OLFM3: variants seen among roughly 807,000 people sequenced by gnomAD.
OLFM3 encodes noelin-3.
Under a neutral mutation model 48.6 loss-of-function variants are expected in OLFM3, and 20 were observed. The observed-to-expected ratio is 0.41, with a 90% CI of 0.29 to 0.60. OLFM3 has a LOEUF of 0.60. Among genes scored for constraint, OLFM3 ranks in the 20% least tolerant of loss-of-function variants. OLFM3 has a pLI of 0.28. For synonymous variants in OLFM3, 222 were observed against 198.1 expected (o/e 1.12, Z -1.01); for missense variants, 437 against 544.3 (o/e 0.80, Z 1.96).
intron 1 of OLFM3, among the ~76,000 whole-genome samples, chr1:101,985,008 C>T (rs80009137): frequency 6.6e-6 from 1 of 152,192 alleles, no homozygotes; most frequent in Admixed American, 6.5e-5. Context: ...ATCAAACTGT[C>T]AGCAGGGCTG....
At chr1:101,837,945 T>C (rs1655514625) in intron 1 of OLFM3, 2 of 152,216 alleles carry the variant, frequency 1.3e-5, no homozygotes, top group Admixed American at 6.5e-5. Flanking sequence ...ATTTAATGTA[T>C]ATTTTCTAGA....
At position 101,957,812 on chromosome 1, in the gene OLFM3, A is replaced by G. The variant is rs536470606; in HGVS notation, c.69+38936T>C. 1.8e-3 allele frequency among the ~76,000 whole-genome samples: 276 copies of G among 152,160 alleles called. 1 individual carries two copies. Among genetic ancestry groups the G allele is most frequent in the African/African-American group, 6.2e-3 (259 of 41,554 alleles). On this transcript the variant is annotated intron_variant, in intron 1 of 5. Coordinates refer to ENST00000370103, the MANE Select transcript of OLFM3 (RefSeq NM_058170.4). ...AATTCCAAGCATCAGATATCTAGCA[A>G]TAATAAGGAAGTGAGAATGGAAATT...
At chr1:101,858,892 T>C (rs1656535064) in intron 1 of OLFM3, among the ~76,000 whole-genome samples, 1 of 152,076 alleles carries the variant, frequency 6.6e-6, no homozygotes, top group African/African-American at 2.4e-5. Flanking sequence ...TGGAACAGAC[T>C]AATACAGTCA....
chr1:101,840,204 AT>A (rs1464999380), intron 1 of OLFM3, among the ~76,000 whole-genome samples: 1 of 152,238 alleles, frequency 6.6e-6, no homozygotes, highest in South Asian at 2.1e-4. Flanking sequence ...TTAGGTGTCA[AT>A]AAAACATGCA....
Position 101,885,336 on chromosome 1 carries a change from A to T in OLFM3, c.70-48311T>A, listed in dbSNP as rs147179248. ...ACAGAAAGTATCTGATTATTCAAGAATTCCTTTGCTTTTTATGACATGGTC... is the reference window on the plus strand; with the variant it reads ...ACAGAAAGTATCTGATTATTCAAGATTTCCTTTGCTTTTTATGACATGGTC... On this transcript the variant is annotated intron_variant, in intron 1 of 5. Coordinates refer to ENST00000370103, the MANE Select transcript of OLFM3 (RefSeq NM_058170.4). Among the ~76,000 whole-genome samples the T allele has an allele frequency of 2.8e-3, 430 of 152,186 alleles. 4 individuals are homozygous for T. The highest frequency in any genetic ancestry group is 9.9e-3 in the African/African-American group (413 of 41,558).
intron 1 of OLFM3, among the ~76,000 whole-genome samples, chr1:101,852,335 G>C (rs1216409278): frequency 6.6e-6 from 1 of 152,040 alleles, no homozygotes; most frequent in Non-Finnish European, 1.5e-5. Flanking sequence ...GTTACCCCTA[G>C]ATTGCTAATC....
intron 1 of OLFM3, among the ~76,000 whole-genome samples, chr1:101,926,241 T>A (rs917753193): frequency 6.6e-6 from 1 of 152,206 alleles, no homozygotes; most frequent in Non-Finnish European, 1.5e-5. Context: ...ATATAGCTTA[T>A]CTTCTTTCTT....
At chr1:101,922,053 C>T (rs1373837689) in intron 1 of OLFM3, among the ~76,000 whole-genome samples, 1 of 151,066 alleles carries the variant, frequency 6.6e-6, no homozygotes, top group Non-Finnish European at 1.5e-5. Flanking sequence ...AGCGAGACTC[C>T]ATCTCAAAAA....
chr1:101,890,583 TTAAA>T (rs1451253607), intron 1 of OLFM3, among the ~76,000 whole-genome samples: 1 of 151,986 alleles, frequency 6.6e-6, no homozygotes, highest in Non-Finnish European at 1.5e-5. Context: ...TGTGAATTCT[TTAAA>T]AAGGGATTAG....
intron 1 of OLFM3, among the ~76,000 whole-genome samples, chr1:101,955,254 G>A (rs1376802693): frequency 6.6e-6 from 1 of 151,914 alleles, no homozygotes; most frequent in Admixed American, 6.6e-5. Flanking sequence ...GATGCCAGCT[G>A]GAATTGGGAG....
chr1:101,818,241 G>T (rs538103764), intron 4 of OLFM3, among the ~76,000 whole-genome samples: 2 of 151,854 alleles, frequency 1.3e-5, no homozygotes, highest in Non-Finnish European at 2.9e-5. Context: ...ACTTGACTTT[G>T]GAAATACAGG....
intron 1 of OLFM3, among the ~76,000 whole-genome samples, chr1:101,854,578 G>A (rs765676280): frequency 2.6e-5 from 4 of 152,014 alleles, no homozygotes; most frequent in Admixed American, 6.6e-5. Context: ...ATAAATCCAG[G>A]ATTAGTCCAG....
intron 1 of OLFM3, among the ~76,000 whole-genome samples, chr1:101,938,357 T>C (rs140590039): frequency 1.7e-4 from 26 of 152,328 alleles, no homozygotes; most frequent in Non-Finnish European, 3.5e-4. Flanking sequence ...TCTGAGTTTC[T>C]ATCCTGGTGA....
Position 101,996,883 on chromosome 1 carries a change from T to G in OLFM3, c.-67A>C. 1 of 1,519,000 alleles carries G rather than the reference T, an allele frequency of 6.6e-7. No individual in the cohort carries two copies. The highest frequency in any genetic ancestry group is 1.4e-5 in the African/African-American group (1 of 70,474). The allele number at this position is 1,519,000 out of a possible 1,614,324, so 94.1% of individuals were successfully genotyped here. A position where few individuals can be genotyped will look rare whatever the true frequency, so the allele number is the denominator to read the frequency against. ...GGCTCTCCACTCACTGCAGAGACCTTTCCCTCGTCAGTTGCACTTTCTGCC... is the reference window on the plus strand; with the variant it reads ...GGCTCTCCACTCACTGCAGAGACCTGTCCCTCGTCAGTTGCACTTTCTGCC... On this transcript the variant is annotated 5_prime_UTR_variant, in exon 1 of 6. Coordinates refer to ENST00000370103, the MANE Select transcript of OLFM3 (RefSeq NM_058170.4).
chr1:101,986,984 CCTCA>C (rs1312372827), intron 1 of OLFM3, among the ~76,000 whole-genome samples: 1 of 152,204 alleles, frequency 6.6e-6, no homozygotes, highest in African/African-American at 2.4e-5. Flanking sequence ...AAATAGCTTT[CCTCA>C]CTGTTTTTCT....
intron 1 of OLFM3, among the ~76,000 whole-genome samples, chr1:101,972,113 A>T (rs1337490943): frequency 6.6e-6 from 1 of 152,072 alleles, no homozygotes; most frequent in Non-Finnish European, 1.5e-5. Context: ...GTTTATGTTC[A>T]ATTTCTTTCA....
intron 1 of OLFM3, among the ~76,000 whole-genome samples, chr1:101,929,427 G>C (rs975044079): frequency 1.3e-5 from 2 of 152,088 alleles, no homozygotes; most frequent in Admixed American, 6.6e-5. Context: ...ATGCAGAAGA[G>C]TAAGTGGACT....
intron 1 of OLFM3, among the ~76,000 whole-genome samples, chr1:101,949,930 T>TAAAAAAA (rs1660076984): frequency 9.2e-5 from 2 of 21,662 alleles, no homozygotes; most frequent in Non-Finnish European, 2.1e-4. Context: ...AGACTCCGTC[T>TAAAAAAA]GAAAAAAAAA....
chr1:101,818,962 CA>C (rs530484651), intron 4 of OLFM3, among the ~76,000 whole-genome samples: 83 of 152,196 alleles, frequency 5.5e-4, no homozygotes, highest in Non-Finnish European at 1.0e-3. Context: ...TAGAACAAGA[CA>C]TTGATTCTGA....
Sources: gnomAD v4.1 joint callset for allele counts (sites outside exome capture counted in the v4.1 genomes callset) on GRCh38, gnomAD v4.1.1 for gene constraint, MANE v1.5 for transcripts, NCBI Gene and HGNC (gene_info 2026-07-23, HGNC 2026-07-21) for gene names.